PTPRN2: variants seen among roughly 807,000 people sequenced by gnomAD.
PTPRN2 encodes the protein receptor-type tyrosine-protein phosphatase N2.
PTPRN2 carries 74 observed loss-of-function variants against 118.8 expected under a neutral mutation model. That is an observed-to-expected ratio of 0.62 (90% CI 0.52 to 0.76). The LOEUF (loss-of-function observed/expected upper bound fraction) is 0.76. Among genes scored for constraint, PTPRN2 ranks in the 30% least tolerant of loss-of-function variants. PTPRN2 has a pLI of 0.00. For missense variants in PTPRN2, 1,481 were observed against 1,394.4 expected, an observed-to-expected ratio of 1.06 and a Z score of -0.99; for synonymous variants, 641 against 608.0, an observed-to-expected ratio of 1.05 and a Z score of -0.80.
At chr7:158,175,024 G>T (rs1386649541) in intron 5 of PTPRN2, among the ~76,000 whole-genome samples, 1 of 152,192 alleles carries the variant, frequency 6.6e-6, no homozygotes, top group Admixed American at 6.5e-5. Flanking sequence ...AGGCCTGGAG[G>T]TCCGGGGAGT....
chr7:157,818,528 G>A (rs1352812841), intron 12 of PTPRN2, among the ~76,000 whole-genome samples: 16 of 146,336 alleles, frequency 1.1e-4, no homozygotes, highest in Admixed American at 9.9e-4. Context: ...GAGAGGGCGT[G>A]GCCTGAGCCA....
intron 10 of PTPRN2, among the ~76,000 whole-genome samples, chr7:158,098,255 C>G (rs1814814340): frequency 6.6e-6 from 1 of 152,222 alleles, no homozygotes; most frequent in African/African-American, 2.4e-5. Flanking sequence ...GGCTTCAGCT[C>G]CGCAATGTGG....
intron 21 of PTPRN2, among the ~76,000 whole-genome samples, chr7:157,565,482 GGGGCCACAC>G (rs1284784343): frequency 6.6e-6 from 1 of 152,232 alleles, no homozygotes; most frequent in African/African-American, 2.4e-5. Flanking sequence ...CATGGTACCT[GGGGCCACAC>G]AGGCACCCTC....
chr7:158,240,021 G>A (rs1003781845), intron 3 of PTPRN2, among the ~76,000 whole-genome samples: 26 of 152,138 alleles, frequency 1.7e-4, no homozygotes, highest in African/African-American at 3.1e-4. Flanking sequence ...GGCCTCCAGC[G>A]CCTCTCCTAC....
At chr7:158,054,900 G>T (rs544034204) in intron 11 of PTPRN2, among the ~76,000 whole-genome samples, 1 of 152,052 alleles carries the variant, frequency 6.6e-6, no homozygotes, top group Non-Finnish European at 1.5e-5. Context: ...CAGCCCGCAC[G>T]CCAGTGCCCA....
chr7:157,701,601 G>A (rs1388034821), intron 12 of PTPRN2, among the ~76,000 whole-genome samples: 1 of 152,178 alleles, frequency 6.6e-6, no homozygotes, highest in Non-Finnish European at 1.5e-5. Flanking sequence ...ACTCAGCGCT[G>A]CCCCCAGACC....
chr7:157,600,225 C>G lies in PTPRN2; in HGVS notation c.2418+3777G>C, dbSNP rs1463771979. On this transcript the variant is annotated intron_variant, in intron 16 of 22. Transcript: ENST00000389418. ...CCTGCCCACCTCTCCACCTGCCCAC[C>G]TCTCCACCTGCCTACCTCTCCACCT... is the stretch of plus-strand genomic sequence containing the variant. Among the ~76,000 whole-genome samples the G allele has an allele frequency of 1.2e-3, 174 of 142,488 alleles. 1 individual carries two copies. The highest frequency in any genetic ancestry group is 4.2e-3 in the African/African-American group (162 of 38,136). The allele number at this position is 142,488 out of a possible 152,430, so 93.5% of individuals were successfully genotyped here.
chr7:157,787,537 C>T lies in PTPRN2; in HGVS notation c.1789-104600G>A, dbSNP rs534208190. 3.3e-4 allele frequency among the ~76,000 whole-genome samples: 51 copies of T among 152,286 alleles called. No homozygotes were observed. The South Asian group carries it at 1.0e-2, about 30-fold the overall frequency. ...GGGCCAGGAGAGCCCCTGGGCCTCA[C>T]GTCCTGCTTCTCTCCTTGTCCTTCA... On this transcript the variant is annotated intron_variant, in intron 12 of 22. Transcript: ENST00000389418. This position sits in a 1 kb window ranked among gnomAD's most constrained non-coding sequence, Gnocchi z 5.3.
chr7:157,911,656 C>T (rs1798113173), intron 11 of PTPRN2, among the ~76,000 whole-genome samples: 1 of 152,162 alleles, frequency 6.6e-6, no homozygotes, highest in Non-Finnish European at 1.5e-5. Context: ...ATACCTGACA[C>T]TCTGAAAAGA....
rs1563393267 is a variant in PTPRN2 at position 158,071,748 on chromosome 7, A to AGGTGCTCGTGG, written c.1723+9549_1723+9550insCCACGAGCACC. Among the ~76,000 whole-genome samples, 58 of 27,168 alleles carry AGGTGCTCGTGG rather than the reference A, an allele frequency of 2.1e-3. 2 individuals are homozygous for AGGTGCTCGTGG. Among genetic ancestry groups the AGGTGCTCGTGG allele is most frequent in the African/African-American group, 8.5e-3 (54 of 6,376 alleles). The allele number at this position is 27,168 out of a possible 152,430, so 17.8% of individuals were successfully genotyped here. ...GGTGCTCGTGGTGGTGGAGGTGCTC[A>AGGTGCTCGTGG]TGGTGGAGGTGCTCGTGGTGATGGA... On this transcript the variant is annotated intron_variant, in intron 11 of 22. Coordinates refer to ENST00000389418, the MANE Select transcript of PTPRN2 (RefSeq NM_002847.5).
chr7:158,299,885 A>G (rs1323953930), intron 3 of PTPRN2, among the ~76,000 whole-genome samples: 1 of 152,110 alleles, frequency 6.6e-6, no homozygotes, highest in Non-Finnish European at 1.5e-5. Context: ...TTGGTCTGGG[A>G]GGAGAACGTC....
chr7:158,498,485 C>T (rs886272224), intron 1 of PTPRN2, among the ~76,000 whole-genome samples: 8 of 151,618 alleles, frequency 5.3e-5, no homozygotes, highest in African/African-American at 1.9e-4. Context: ...CTCCTTCATT[C>T]GTTTGAAGAC....
At chr7:158,134,149 G>A in intron 8 of PTPRN2, 90 bp from the exon 9 acceptor site, 1 of 1,436,580 alleles carries the variant, frequency 7.0e-7, no homozygotes, top group Non-Finnish European at 9.4e-7. Flanking sequence ...CAGAGTCACT[G>A]TGGGGATGAC....
At chr7:157,722,130 C>T (rs560020011) in intron 12 of PTPRN2, among the ~76,000 whole-genome samples, 3 of 152,352 alleles carry the variant, frequency 2.0e-5, no homozygotes, top group African/African-American at 7.2e-5. Context: ...CCCACCCTCA[C>T]GTGTCTGTGA....
chr7:157,817,010 G>A (rs549607265), intron 12 of PTPRN2, among the ~76,000 whole-genome samples: 6 of 152,170 alleles, frequency 3.9e-5, no homozygotes, highest in South Asian at 2.1e-4. Flanking sequence ...GGCCAGTCTC[G>A]GGCCATTTGC....
At chr7:157,768,591 C>G (rs1430691404) in intron 12 of PTPRN2, among the ~76,000 whole-genome samples, 1 of 152,206 alleles carries the variant, frequency 6.6e-6, no homozygotes, top group Non-Finnish European at 1.5e-5. Flanking sequence ...CGCCCCAGCC[C>G]AGCCCCAGCT....
At chr7:157,751,350 G>A (rs979093555) in intron 12 of PTPRN2, among the ~76,000 whole-genome samples, 7 of 152,180 alleles carry the variant, frequency 4.6e-5, no homozygotes, top group South Asian at 2.1e-4. Flanking sequence ...TCCATGCGGC[G>A]AACGCCCTGG....
chr7:157,828,602 G>T (rs1807344201), intron 12 of PTPRN2, among the ~76,000 whole-genome samples: 1 of 150,258 alleles, frequency 6.7e-6, no homozygotes, highest in African/African-American at 2.4e-5. Context: ...CCTGGTTACT[G>T]CAGGTATGAT....
At chr7:157,812,786 G>T (rs1179234836) in intron 12 of PTPRN2, among the ~76,000 whole-genome samples, 3 of 152,164 alleles carry the variant, frequency 2.0e-5, no homozygotes, top group Admixed American at 2.0e-4. Flanking sequence ...ATGGGTAGCT[G>T]GGCTTCACAG....
Sources: gnomAD v4.1 joint callset for allele counts (sites outside exome capture counted in the v4.1 genomes callset) on GRCh38, gnomAD v4.1.1 for gene constraint, Gnocchi (gnomAD v3.1) non-coding constraint, MANE v1.5 for transcripts, NCBI Gene and HGNC (gene_info 2026-07-23, HGNC 2026-07-21) for gene names.